CCDC158: variants seen among roughly 807,000 people sequenced by gnomAD.
The protein encoded by CCDC158 is coiled-coil domain-containing protein 158.
CCDC158 carries 116 observed loss-of-function variants against 138.6 expected under a neutral mutation model. The ratio of observed to expected loss-of-function variants is 0.84; its 90% CI spans 0.72 to 0.98. The LOEUF (loss-of-function observed/expected upper bound fraction) is 0.98, where lower values mean the gene tolerates loss of function less well. Ranked by LOEUF, CCDC158 falls within the 50% of genes least tolerant of loss-of-function variation. The probability of loss-of-function intolerance (pLI) is 0.00; values close to 1 mark genes in which losing one functional copy is unlikely to be tolerated. For missense variants in CCDC158, 1,265 were observed against 1,306.1 expected, an observed-to-expected ratio of 0.97 and a Z score of 0.48; for synonymous variants, 436 against 442.4, an observed-to-expected ratio of 0.99 and a Z score of 0.18.
intron 15 of CCDC158, among the ~76,000 whole-genome samples, chr4:76,354,233 C>CAAAAAAAAA (rs749565764): frequency 7.8e-5 from 5 of 63,908 alleles, no homozygotes; most frequent in African/African-American, 1.8e-4. Context: ...TTCCCAAAGG[C>CAAAAAAAAA]AAAAAAAAAA....
chr4:76,362,861 T>A (rs557152574), intron 12 of CCDC158, among the ~76,000 whole-genome samples: 1 of 152,304 alleles, frequency 6.6e-6, no homozygotes, highest in African/African-American at 2.4e-5. Context: ...ATATTTAATA[T>A]GTCAGGTAAG....
At chr4:76,387,909 G>C (rs1455265345) in intron 4 of CCDC158, among the ~76,000 whole-genome samples, 1 of 146,436 alleles carries the variant, frequency 6.8e-6, no homozygotes, top group South Asian at 2.2e-4. Context: ...GCTACTTAGG[G>C]GGCTGAGGCA....
chr4:76,375,058 T>C (rs1231785256), intron 9 of CCDC158: 3 of 152,420 alleles, frequency 2.0e-5, no homozygotes, highest in Admixed American at 2.0e-4. Flanking sequence ...AAAAGATAAA[T>C]AGAGAGTGAA....
chr4:76,344,790 G>A (rs1279517193), intron 18 of CCDC158: 44 of 1,606,804 alleles, frequency 2.7e-5, no homozygotes, highest in East Asian at 8.9e-5. Context: ...TATGAAGCCC[G>A]ACTTCAATGG....
intron 3 of CCDC158, among the ~76,000 whole-genome samples, chr4:76,399,102 G>C (rs1214866438): frequency 6.6e-6 from 1 of 152,126 alleles, no homozygotes; most frequent in African/African-American, 2.4e-5. Flanking sequence ...GAATCATGAT[G>C]CTTTCAACTA....
chr4:76,319,004 G>A (rs1298598724), intron 24 of CCDC158, among the ~76,000 whole-genome samples: 1 of 152,080 alleles, frequency 6.6e-6, no homozygotes, highest in African/African-American at 2.4e-5. Context: ...CAGGCGCGGT[G>A]GCTTACGCCT....
In CCDC158 at chr4:76,349,673, AAAAT is replaced by A. The variant is rs550579344; in HGVS notation, c.2664+1319_2664+1322del. ...ACAGAGCAAGACTCTGTCTCAGGAA[AAAAT>A]AAATAAATAAACAAATAAATACTTA... On this transcript the variant is annotated intron_variant, in intron 18 of 24. Transcript: ENST00000682701. Among the ~76,000 whole-genome samples the A allele has an allele frequency of 1.1e-3, 162 of 152,336 alleles. 4 individuals are homozygous for A. The South Asian group carries it at 0.024, about 23-fold the overall frequency.
At chr4:76,408,947 AT>A (rs1729068472) in intron 2 of CCDC158, among the ~76,000 whole-genome samples, 1 of 152,032 alleles carries the variant, frequency 6.6e-6, no homozygotes, top group Admixed American at 6.6e-5. Flanking sequence ...GATGATGAGC[AT>A]TTTTTCACGT....
At chr4:76,390,882 CAAAG>C in intron 4 of CCDC158, among the ~76,000 whole-genome samples, 1 of 151,960 alleles carries the variant, frequency 6.6e-6, no homozygotes, top group African/African-American at 2.4e-5. Flanking sequence ...TAAGAAGAGA[CAAAG>C]AAGTCACAAT....
At chr4:76,329,041 G>T in intron 21 of CCDC158, 74 bp from the exon 22 acceptor site, 4 of 1,159,508 alleles carry the variant, frequency 3.4e-6, no homozygotes, top group Non-Finnish European at 3.9e-6. Flanking sequence ...ATAGAAGCAA[G>T]TGAACACAGG....
chr4:76,351,667 A>G, intron 17 of CCDC158, 53 bp downstream of exon 17: 2 of 1,036,118 alleles, frequency 1.9e-6, no homozygotes, highest in South Asian at 2.6e-5. Flanking sequence ...ATATAAAAGC[A>G]TATCAAAGAA....
Position 76,353,107 on chromosome 4 carries a change from T to G in CCDC158, c.2445+16A>C, listed in dbSNP as rs1487050731. On this transcript the variant is annotated intron_variant, in intron 16 of 24. Coordinates refer to ENST00000682701, the MANE Select transcript of CCDC158 (RefSeq NM_001394954.1). ...ATTTAGTTGATAATTACTTCATATG[T>G]TTAGTTAATAATTACCTTATCCAGA... The G allele has an allele frequency of 6.3e-7, 1 of 1,590,962 alleles. No individual in the cohort carries two copies. Among genetic ancestry groups the G allele is most frequent in the South Asian group, 1.1e-5 (1 of 88,550 alleles).
At chr4:76,379,743 T>TACAC (rs34043671) in intron 8 of CCDC158, among the ~76,000 whole-genome samples, 2,694 of 147,056 alleles carry the variant, frequency 0.018, 33 homozygotes, top group African/African-American at 0.038. Context: ...TCATATATAT[T>TACAC]ACACACACAC....
At chr4:76,348,545 T>C (rs1722782178) in intron 18 of CCDC158, among the ~76,000 whole-genome samples, 1 of 151,388 alleles carries the variant, frequency 6.6e-6, no homozygotes, top group Non-Finnish European at 1.5e-5. Context: ...TTTCAACATA[T>C]GAATCTAAGG....
At chr4:76,315,641 C>T (rs1378773989) in intron 24 of CCDC158, among the ~76,000 whole-genome samples, 1 of 152,240 alleles carries the variant, frequency 6.6e-6, no homozygotes, top group African/African-American at 2.4e-5. Context: ...GAAAATATCA[C>T]TGCTAGCATA....
chr4:76,348,516 T>TTCCAC (rs1290012612), intron 18 of CCDC158, among the ~76,000 whole-genome samples: 1 of 151,700 alleles, frequency 6.6e-6, no homozygotes, highest in Non-Finnish European at 1.5e-5. Flanking sequence ...CTCCCATTGG[T>TTCCAC]TCCACCTTGG....
chr4:76,360,563 C>T (rs1724033267), intron 13 of CCDC158, among the ~76,000 whole-genome samples: 1 of 152,172 alleles, frequency 6.6e-6, no homozygotes, highest in African/African-American at 2.4e-5. Context: ...ATCAGCATGC[C>T]CTGAATGTGA....
At chr4:76,318,257 A>G (rs1719602051) in intron 24 of CCDC158, among the ~76,000 whole-genome samples, 1 of 152,176 alleles carries the variant, frequency 6.6e-6, no homozygotes. Context: ...AAATTATTAG[A>G]CCATTAGTGA....
chr4:76,321,466 C>T (rs1719990581), intron 24 of CCDC158, among the ~76,000 whole-genome samples: 1 of 151,550 alleles, frequency 6.6e-6, no homozygotes, highest in Non-Finnish European at 1.5e-5. Context: ...ATGTTTATAG[C>T]AACAAAATTC....
Sources: gnomAD v4.1 joint callset for allele counts (sites outside exome capture counted in the v4.1 genomes callset) on GRCh38, gnomAD v4.1.1 for gene constraint, MANE v1.5 for transcripts, NCBI Gene and HGNC (gene_info 2026-07-23, HGNC 2026-07-21) for gene names.